The following PLAAT4 variants were observed in gnomAD, a reference collection of about 807,000 sequenced individuals.
The protein encoded by PLAAT4 is phospholipase A and acyltransferase 4, also known as HRAS-like suppressor 4.
Under a neutral mutation model 14.1 loss-of-function variants are expected in PLAAT4, and 12 were observed. That is an observed-to-expected ratio of 0.85 (90% CI 0.54 to 1.37). The LOEUF (loss-of-function observed/expected upper bound fraction) is 1.37. Among genes scored for constraint, PLAAT4 ranks in the 40% most tolerant of loss-of-function variants. The probability of loss-of-function intolerance (pLI) is 0.00; values close to 1 mark genes in which losing one functional copy is unlikely to be tolerated. For missense variants in PLAAT4, 163 were observed against 211.7 expected (o/e 0.77, Z 1.43); for synonymous variants, 77 against 79.8 (o/e 0.96, Z 0.19).
Position 63,544,790 on chromosome 11 carries a change from G to A in PLAAT4, c.288G>A (p.Ala96=), listed in dbSNP as rs200737005. The A allele has an allele frequency of 3.8e-5, 61 of 1,614,110 alleles. No individual in the cohort carries two copies. Among genetic ancestry groups the A allele is most frequent in the South Asian group, 2.7e-4 (25 of 91,084 alleles). ...PRPVEVIISS[A]KEMVGQKMKY... ...CCGTGGAGGTGATCATCAGTTCTGC[G>A]AAGGAGATGGTTGGTCAGAAGATGA... The change falls in exon 3 of 4, where the codon GCG becomes GCA. Residue 96 remains alanine, a synonymous_variant. Coordinates refer to ENST00000255688, the MANE Select transcript of PLAAT4 (RefSeq NM_004585.5).
intron 1 of PLAAT4, among the ~76,000 whole-genome samples, chr11:63,537,182 G>T (rs2017277603): frequency 6.6e-6 from 1 of 152,158 alleles, no homozygotes; most frequent in African/African-American, 2.4e-5. Context: ...AAGCCAGAGT[G>T]TGGGCAGGTG....
At position 63,537,016 on chromosome 11, in the gene PLAAT4, T is replaced by G. The variant is rs1281211172; in HGVS notation, c.9+139T>G. Reference sequence around the variant, plus strand: ...TAGAAGGCTGTCATGGAAAACTGTATTTGTCTTTTAAAAGTGCATCTGCCC... The same window carrying G: ...TAGAAGGCTGTCATGGAAAACTGTAGTTGTCTTTTAAAAGTGCATCTGCCC... On this transcript the variant is annotated intron_variant, in intron 1 of 3. Coordinates refer to ENST00000255688, the MANE Select transcript of PLAAT4 (RefSeq NM_004585.5). The G allele has an allele frequency of 2.7e-6, 3 of 1,117,984 alleles. No individual in the cohort carries two copies. In the African/African-American group the frequency reaches 4.8e-5, roughly 18 times the overall value. The allele number at this position is 1,117,984 out of a possible 1,614,324, so 69.3% of individuals were successfully genotyped here.
chr11:63,537,177 A>G (rs1476470108), intron 1 of PLAAT4, among the ~76,000 whole-genome samples: 2 of 152,150 alleles, frequency 1.3e-5, no homozygotes, highest in East Asian at 3.8e-4. Flanking sequence ...AGGAGAAGCC[A>G]GAGTGTGGGC....
In PLAAT4 at chr11:63,546,199, G is replaced by C. The variant is rs751545156; in HGVS notation, c.438G>C (p.Leu146=). The C allele has an allele frequency of 1.9e-6, 3 of 1,614,138 alleles. No individual in the cohort carries two copies. Among genetic ancestry groups the C allele is most frequent in the Middle Eastern group, 1.7e-4 (1 of 6,060 alleles). The stretch of plus-strand genomic sequence containing the variant: ...GTGTGGCCACGGCGCTTGGAATCCT[G>C]GTTGTTGCTGGATGCTCTTTTGCGA... ...EVGVATALGI[L]VVAGCSFAIR... The change falls in exon 4 of 4, where the codon CTG becomes CTC. Residue 146 remains leucine (L), a synonymous_variant. Transcript: ENST00000255688.
rs12294612 is a variant in PLAAT4 at position 63,539,725 on chromosome 11, G to T, written c.118+101G>T. On this transcript the variant is annotated intron_variant, in intron 2 of 3. Transcript: ENST00000255688. Reference sequence around the variant, plus strand: ...GCCTGTAATCCCAGCACTTTGAGAGGCCGAGGTGGGCAGATTACCTGAGGT... The same window carrying T: ...GCCTGTAATCCCAGCACTTTGAGAGTCCGAGGTGGGCAGATTACCTGAGGT... The T allele has an allele frequency of 4.0e-5, 32 of 801,982 alleles. No homozygotes were observed. The African/African-American group carries it at 5.6e-4, about 14-fold the overall frequency. The allele number at this position is 801,982 out of a possible 1,614,324, so 49.7% of individuals were successfully genotyped here.
intron 2 of PLAAT4, among the ~76,000 whole-genome samples, chr11:63,541,284 C>T (rs920441998): frequency 5.3e-5 from 8 of 151,998 alleles, no homozygotes; most frequent in African/African-American, 9.7e-5. Flanking sequence ...CTCCGCCTCC[C>T]AGTTTCAAGC....
rs972234198 is a variant in PLAAT4 at position 63,546,392 on chromosome 11, C to T, written c.*136C>T. ...GATCCTTTCCTCTGTTTCCCTCTCT[C>T]GCTGGCAAAAGTATGATCTAATTGA... On this transcript the variant is annotated 3_prime_UTR_variant, in exon 4 of 4. Coordinates refer to ENST00000255688, the MANE Select transcript of PLAAT4 (RefSeq NM_004585.5). The T allele has an allele frequency of 2.0e-5, 15 of 741,628 alleles. No individual in the cohort carries two copies. Among genetic ancestry groups the T allele is most frequent in the Non-Finnish European group, 2.7e-5 (12 of 437,418 alleles). 45.9% of individuals were successfully genotyped at this position (741,628 alleles called of 1,614,324 possible). A position where few individuals can be genotyped will look rare whatever the true frequency, so the allele number is the denominator to read the frequency against.
At chr11:63,537,859 G>A (rs984755174) in intron 1 of PLAAT4, among the ~76,000 whole-genome samples, 9 of 152,058 alleles carry the variant, frequency 5.9e-5, no homozygotes, top group African/African-American at 1.7e-4. Context: ...AGGGAGGGAG[G>A]AGCACACAGG....
At chr11:63,541,908 A>G (rs2017324906) in intron 2 of PLAAT4, among the ~76,000 whole-genome samples, 1 of 152,220 alleles carries the variant, frequency 6.6e-6, no homozygotes, top group Non-Finnish European at 1.5e-5. Context: ...TACAAAAAAC[A>G]CATTATGAAT....
At chr11:63,537,411 G>A (rs1286187988) in intron 1 of PLAAT4, among the ~76,000 whole-genome samples, 1 of 152,164 alleles carries the variant, frequency 6.6e-6, no homozygotes, top group Non-Finnish European at 1.5e-5. Context: ...AGAAGCTCTA[G>A]GGAGAGCAGG....
At chr11:63,545,470 A>G (rs182520045) in intron 3 of PLAAT4, 53 of 169,912 alleles carry the variant, frequency 3.1e-4, no homozygotes, top group African/African-American at 1.3e-3. Context: ...GCGTGACTGA[A>G]TGGTTGGGGG....
Position 63,546,015 on chromosome 11 carries a change from G to T in PLAAT4, c.388-134G>T, listed in dbSNP as rs577808394. Reference sequence around the variant, plus strand: ...AGGATTCTGAGCCAGCCAGCTGGGAGAGAAGAGAGGAGATGCCAGGCCTTA... The same window carrying T: ...AGGATTCTGAGCCAGCCAGCTGGGATAGAAGAGAGGAGATGCCAGGCCTTA... On this transcript the variant is annotated intron_variant, in intron 3 of 3. Transcript: ENST00000255688. The T allele has an allele frequency of 1.3e-4, 96 of 747,198 alleles. 1 individual carries two copies. In the South Asian group the frequency reaches 1.5e-3, roughly 12 times the overall value. 46.3% of individuals were successfully genotyped at this position (747,198 alleles called of 1,614,324 possible).
Position 63,544,619 on chromosome 11 carries a change from AG to A in PLAAT4, c.119del. 1 of 1,609,178 alleles carries A rather than the reference AG, an allele frequency of 6.2e-7. No individual in the cohort carries two copies. Among genetic ancestry groups the A allele is most frequent in the Non-Finnish European group, 8.5e-7 (1 of 1,175,950 alleles). Reference sequence around the variant, plus strand: ...TGCCAGTGAGAGTGCCTCTGATTGCAGGTGAGTACCCCGGGGCTGGCTCCTC... The same window carrying A: ...TGCCAGTGAGAGTGCCTCTGATTGCAGTGAGTACCCCGGGGCTGGCTCCTC... On this transcript the variant is annotated splice_acceptor_variant, in intron 2 of 3. Transcript: ENST00000255688. LOFTEE classifies it high-confidence loss of function.
chr11:63,542,864 G>T (rs758500421), intron 2 of PLAAT4, among the ~76,000 whole-genome samples: 5 of 152,100 alleles, frequency 3.3e-5, no homozygotes, highest in Non-Finnish European at 4.4e-5. Context: ...CACTAAGCTT[G>T]TGTTATCCTG....
chr11:63,544,811 G>A lies in PLAAT4; in HGVS notation c.309G>A (p.Lys103=), dbSNP rs1021879010. The part of the protein sequence containing the change: ...ISSAKEMVGQ[K]MKYSIVSRNC... ...CTGCGAAGGAGATGGTTGGTCAGAA[G>A]ATGAAGTACAGTATTGTGAGCAGGA... The change falls in exon 3 of 4, where the codon AAG becomes AAA. Residue 103 remains lysine (K), a synonymous_variant. Coordinates refer to ENST00000255688, the MANE Select transcript of PLAAT4 (RefSeq NM_004585.5). 7 of 1,614,218 alleles carry A rather than the reference G, an allele frequency of 4.3e-6. No individual in the cohort carries two copies. The highest frequency in any genetic ancestry group is 5.1e-6 in the Non-Finnish European group (6 of 1,180,048).
In PLAAT4 at chr11:63,536,891, G is replaced by A. The variant is rs754890552; in HGVS notation, c.9+14G>A. 6.2e-7 allele frequency: 1 copy of A among 1,611,674 alleles called. No individual in the cohort carries two copies. On this transcript the variant is annotated intron_variant, in intron 1 of 3. Transcript: ENST00000255688. ...GAGATGGCTTCGGTAAGTTTCCCAG[G>A]GCTTTGCATTACTGACTCTACAGCA...
intron 2 of PLAAT4, among the ~76,000 whole-genome samples, chr11:63,541,490 G>A (rs962396947): frequency 9.3e-5 from 14 of 150,386 alleles, no homozygotes; most frequent in Non-Finnish European, 1.5e-4. Context: ...GCGCTCAGCC[G>A]TAAAGAGGCT....
chr11:63,539,655 A>G (rs2017306009), intron 2 of PLAAT4, 31 bp downstream of exon 2: 1 of 1,537,864 alleles, frequency 6.5e-7, no homozygotes, highest in Admixed American at 1.7e-5. Flanking sequence ...AATTTTCAAA[A>G]TATTTGTTAA....
In PLAAT4 at chr11:63,539,636, T is replaced by C; in HGVS notation, c.118+12T>C. The C allele has an allele frequency of 6.4e-7, 1 of 1,574,220 alleles. No homozygotes were observed. Among genetic ancestry groups the C allele is most frequent in the South Asian group, 1.1e-5 (1 of 89,938 alleles). ...TCTGGCTCCTCCAAGTAAGGACTGA[T>C]GAATATATAATTTTCAAAATATTTG... On this transcript the variant is annotated intron_variant, in intron 2 of 3. Coordinates refer to ENST00000255688, the MANE Select transcript of PLAAT4 (RefSeq NM_004585.5).
Sources: gnomAD v4.1 joint callset for allele counts (sites outside exome capture counted in the v4.1 genomes callset) on GRCh38, gnomAD v4.1.1 for gene constraint, MANE v1.5 for transcripts, NCBI Gene and HGNC (gene_info 2026-07-23, HGNC 2026-07-21) for gene names.